FILIP1L: variants seen among roughly 807,000 people sequenced by gnomAD.
FILIP1L encodes filamin A-interacting protein 1-like.
In FILIP1L, 55 loss-of-function variants were observed where a neutral mutation model predicts 96.6. That is an observed-to-expected ratio of 0.57 (90% CI 0.46 to 0.71). FILIP1L has a LOEUF of 0.71. FILIP1L is among the 30% of genes least tolerant of loss of function. FILIP1L has a pLI of 0.00. For missense variants in FILIP1L, 1,304 were observed against 1,321.2 expected (o/e 0.99, Z 0.20); for synonymous variants, 467 against 473.9 (o/e 0.99, Z 0.19).
chr3:100,102,277 C>T (rs1283002297), intron 1 of FILIP1L, among the ~76,000 whole-genome samples: 1 of 152,166 alleles, frequency 6.6e-6, no homozygotes, highest in East Asian at 1.9e-4. Flanking sequence ...TCCTCTCCAG[C>T]ACCTGTTGTT....
rs952661315 is a variant in FILIP1L, at chr3:99,946,346, A to G, written c.-10-15316T>C. Reference sequence around the variant, plus strand: ...AAAAAGCTACAACTATCAATGGAGAATTTGGAAATTTTTTGTTACGGAAAA... The same window carrying G: ...AAAAAGCTACAACTATCAATGGAGAGTTTGGAAATTTTTTGTTACGGAAAA... On this transcript the variant is annotated intron_variant, in intron 1 of 5. Transcript: ENST00000477258. 3.9e-5 allele frequency among the ~76,000 whole-genome samples: 6 copies of G among 152,380 alleles called. No homozygotes were observed. The South Asian group carries it at 8.3e-4, about 21-fold the overall frequency.
intron 1 of FILIP1L, among the ~76,000 whole-genome samples, chr3:100,022,423 A>T (rs567678695): frequency 5.9e-5 from 9 of 152,314 alleles, no homozygotes; most frequent in East Asian, 5.8e-4. Flanking sequence ...TACAGTATTC[A>T]TTCCATTTCT....
chr3:99,870,522 A>G (rs1369587791), intron 4 of FILIP1L, among the ~76,000 whole-genome samples: 1 of 152,146 alleles, frequency 6.6e-6, no homozygotes, highest in Non-Finnish European at 1.5e-5. Flanking sequence ...GCTGCTAGTG[A>G]TCTTAGTCCT....
intron 4 of FILIP1L, among the ~76,000 whole-genome samples, chr3:99,864,952 G>A (rs1226600276): frequency 6.6e-6 from 1 of 152,090 alleles, no homozygotes; most frequent in South Asian, 2.1e-4. Flanking sequence ...TCAATCATTG[G>A]TCTATTTTGT....
intron 4 of FILIP1L, among the ~76,000 whole-genome samples, chr3:99,883,134 C>T (rs1705783655): frequency 6.6e-6 from 1 of 152,170 alleles, no homozygotes; most frequent in South Asian, 2.1e-4. Flanking sequence ...TGAATTATCT[C>T]TCAAAACTTC....
At chr3:100,051,443 T>C (rs904768234) in intron 1 of FILIP1L, 11 of 151,860 alleles carry the variant, frequency 7.2e-5, no homozygotes, top group Non-Finnish European at 1.5e-4. Flanking sequence ...GCCATGTTGG[T>C]GTGCTGCACT....
chr3:99,965,753 A>G (rs1237874824), intron 1 of FILIP1L, among the ~76,000 whole-genome samples: 1 of 152,196 alleles, frequency 6.6e-6, no homozygotes, highest in Non-Finnish European at 1.5e-5. Flanking sequence ...GGTTAAATGA[A>G]GGTTACCAGA....
At chr3:99,867,388 G>A (rs546883974) in intron 4 of FILIP1L, among the ~76,000 whole-genome samples, 18 of 152,238 alleles carry the variant, frequency 1.2e-4, no homozygotes, top group African/African-American at 4.3e-4. Flanking sequence ...TTTAAGAGAA[G>A]GCAAACTATC....
intron 1 of FILIP1L, among the ~76,000 whole-genome samples, chr3:100,039,373 T>TC: frequency 6.6e-6 from 1 of 152,310 alleles, no homozygotes; most frequent in East Asian, 1.9e-4. Flanking sequence ...AGATGAAATA[T>TC]AATCTATGAT....
At chr3:100,000,239 G>A (rs904826058) in intron 1 of FILIP1L, among the ~76,000 whole-genome samples, 2 of 152,064 alleles carry the variant, frequency 1.3e-5, no homozygotes, top group Admixed American at 6.5e-5. Flanking sequence ...AATATTGTCC[G>A]GTGACCTTGC....
chr3:99,855,818 TTTCA>T (rs1471932886), intron 4 of FILIP1L, among the ~76,000 whole-genome samples: 1 of 152,250 alleles, frequency 6.6e-6, no homozygotes, highest in East Asian at 1.9e-4. Flanking sequence ...ATCTAGATTC[TTTCA>T]TTCAATGTTT....
At chr3:99,981,968 A>G (rs1308728954) in intron 1 of FILIP1L, among the ~76,000 whole-genome samples, 1 of 152,210 alleles carries the variant, frequency 6.6e-6, no homozygotes, top group African/African-American at 2.4e-5. Flanking sequence ...TCTACAAAAA[A>G]TTAAACAACA....
chr3:99,922,959 C>T (rs1707170551), intron 4 of FILIP1L, among the ~76,000 whole-genome samples: 1 of 152,146 alleles, frequency 6.6e-6, no homozygotes, highest in Non-Finnish European at 1.5e-5. Flanking sequence ...GTATTTTCTT[C>T]ATTGCCAAAT....
intron 4 of FILIP1L, among the ~76,000 whole-genome samples, chr3:99,864,530 T>C (rs1450786603): frequency 2.0e-5 from 3 of 152,166 alleles, no homozygotes; most frequent in Non-Finnish European, 4.4e-5. Flanking sequence ...TCTGTGTTCT[T>C]TCTACCTAAC....
At chr3:100,069,908 T>A (rs1045122106) in intron 1 of FILIP1L, among the ~76,000 whole-genome samples, 4 of 152,174 alleles carry the variant, frequency 2.6e-5, no homozygotes, top group Non-Finnish European at 5.9e-5. Flanking sequence ...TGTTGGAAAC[T>A]TAAAAAAAGA....
At chr3:100,048,304 TCCCAGAGG>T (rs1309886340) in intron 1 of FILIP1L, among the ~76,000 whole-genome samples, 1 of 152,230 alleles carries the variant, frequency 6.6e-6, no homozygotes, top group African/African-American at 2.4e-5. Flanking sequence ...TATGCTTTAG[TCCCAGAGG>T]CCCCTCATTT....
chr3:99,866,357 G>A (rs1944518116), intron 4 of FILIP1L, among the ~76,000 whole-genome samples: 1 of 152,068 alleles, frequency 6.6e-6, no homozygotes, highest in South Asian at 2.1e-4. Context: ...GGTATGCTTG[G>A]GAAACCAAAC....
At chr3:99,932,381 T>G (rs1279777421) in intron 1 of FILIP1L, among the ~76,000 whole-genome samples, 2 of 152,240 alleles carry the variant, frequency 1.3e-5, no homozygotes, top group African/African-American at 4.8e-5. Context: ...ATTTTTGAGA[T>G]TCTTCCTTGT....
At chr3:100,078,670 C>T (rs1213608505) in intron 1 of FILIP1L, among the ~76,000 whole-genome samples, 1 of 152,090 alleles carries the variant, frequency 6.6e-6, no homozygotes, top group Non-Finnish European at 1.5e-5. Context: ...GCAGGCAGAT[C>T]ACTTGAAGTC....
Sources: allele counts gnomAD v4.1 joint callset (sites outside exome capture counted in the v4.1 genomes callset), GRCh38; gene constraint gnomAD v4.1.1; transcripts MANE v1.5; gene names NCBI Gene and HGNC (gene_info 2026-07-23, HGNC 2026-07-21).